PRKCA: variants seen among roughly 807,000 people sequenced by gnomAD.
PRKCA encodes the protein protein kinase C alpha.
Under a neutral mutation model 87.0 loss-of-function variants are expected in PRKCA, and 27 were observed. The ratio of observed to expected loss-of-function variants is 0.31; its 90% confidence interval spans 0.23 to 0.43. The LOEUF (loss-of-function observed/expected upper bound fraction) is 0.43, where lower values mean the gene tolerates loss of function less well. Among genes scored for constraint, PRKCA ranks in the 20% least tolerant of loss-of-function variants. The probability of loss-of-function intolerance (pLI) is 1.00; values close to 1 mark genes in which losing one functional copy is unlikely to be tolerated. For synonymous variants in PRKCA, 329 were observed against 311.1 expected (o/e 1.06, Z -0.61); for missense variants, 518 against 852.3 (o/e 0.61, Z 4.88).
At chr17:66,568,746 A>G (rs981830845) in intron 3 of PRKCA, among the ~76,000 whole-genome samples, 5 of 152,334 alleles carry the variant, frequency 3.3e-5, no homozygotes, top group African/African-American at 1.2e-4. Context: ...CTTACCAGTC[A>G]GGAAAAAGGA....
chr17:66,528,912 A>G (rs1364824548), intron 3 of PRKCA, among the ~76,000 whole-genome samples: 1 of 152,202 alleles, frequency 6.6e-6, no homozygotes, highest in Non-Finnish European at 1.5e-5. Flanking sequence ...AGAGGAGGGA[A>G]AAATGGTAGA....
intron 2 of PRKCA, among the ~76,000 whole-genome samples, chr17:66,358,661 C>A (rs183848959): frequency 2.0e-5 from 3 of 152,108 alleles, no homozygotes; most frequent in African/African-American, 4.8e-5. Context: ...ACAAAACATG[C>A]GTCAGTACCT....
At chr17:66,773,786 G>T (rs577096746) in intron 13 of PRKCA, among the ~76,000 whole-genome samples, 5 of 152,168 alleles carry the variant, frequency 3.3e-5, no homozygotes, top group Middle Eastern at 3.4e-3. Flanking sequence ...CAAACCAGCC[G>T]TGGGCAGTGA....
At chr17:66,732,427 C>T (rs1187255099) in intron 8 of PRKCA, among the ~76,000 whole-genome samples, 1 of 152,176 alleles carries the variant, frequency 6.6e-6, no homozygotes, top group Non-Finnish European at 1.5e-5. Flanking sequence ...TTCACGGATC[C>T]CCACGCATCA....
At chr17:66,354,252 TAAGA>T (rs1330448124) in intron 2 of PRKCA, among the ~76,000 whole-genome samples, 1 of 152,132 alleles carries the variant, frequency 6.6e-6, no homozygotes, top group Non-Finnish European at 1.5e-5. Context: ...GACTCAAACT[TAAGA>T]AAGAATTATT....
At chr17:66,380,612 A>T (rs1444720947) in intron 2 of PRKCA, among the ~76,000 whole-genome samples, 1 of 152,236 alleles carries the variant, frequency 6.6e-6, no homozygotes, top group East Asian at 1.9e-4. Context: ...GTATAAATAT[A>T]TGCTAATTAT....
Position 66,522,741 on chromosome 17 carries a change from G to A in PRKCA, c.288+26458G>A, listed in dbSNP as rs578048929. 4.0e-5 allele frequency among the ~76,000 whole-genome samples: 6 copies of A among 151,636 alleles called. No homozygotes were observed. In the South Asian group the frequency reaches 1.3e-3, roughly 32 times the overall value. On this transcript the variant is annotated intron_variant, in intron 3 of 16. Transcript: ENST00000413366. ...CCATAGTGTCTGTTCTGAAGTTTGG[G>A]AAAATAGTGTGAGACTGTCTAGCTG...
chr17:66,581,113 A>C (rs1356578513), intron 3 of PRKCA, among the ~76,000 whole-genome samples: 1 of 152,244 alleles, frequency 6.6e-6, no homozygotes, highest in Admixed American at 6.5e-5. Flanking sequence ...AAATTGTTTT[A>C]TGAGTGCATT....
At chr17:66,521,374 C>A (rs1367287979) in intron 3 of PRKCA, among the ~76,000 whole-genome samples, 1 of 152,186 alleles carries the variant, frequency 6.6e-6, no homozygotes, top group Non-Finnish European at 1.5e-5. Flanking sequence ...ATGATTTCAG[C>A]ATCCAGAGGC....
At chr17:66,773,314 G>A (rs1475922316) in intron 13 of PRKCA, among the ~76,000 whole-genome samples, 2 of 152,002 alleles carry the variant, frequency 1.3e-5, no homozygotes, top group African/African-American at 4.8e-5. Context: ...TTTAAAAAGT[G>A]TTTTAAAACT....
chr17:66,303,510 G>GC (rs1555579674), intron 1 of PRKCA, among the ~76,000 whole-genome samples: 1 of 151,722 alleles, frequency 6.6e-6, no homozygotes, highest in Admixed American at 6.6e-5. Context: ...GGGTGGGGGG[G>GC]TTGTGTTTGT....
At chr17:66,364,807 A>G (rs898290390) in intron 2 of PRKCA, among the ~76,000 whole-genome samples, 27 of 152,168 alleles carry the variant, frequency 1.8e-4, no homozygotes, top group South Asian at 6.2e-4. Flanking sequence ...CCACTTTTCT[A>G]TCCCATCATG....
At chr17:66,505,887 A>G (rs1403008175) in intron 3 of PRKCA, among the ~76,000 whole-genome samples, 1 of 151,908 alleles carries the variant, frequency 6.6e-6, no homozygotes, top group Non-Finnish European at 1.5e-5. Flanking sequence ...TAGAGGTGAG[A>G]CTTGCTATGT....
intron 2 of PRKCA, among the ~76,000 whole-genome samples, chr17:66,426,505 A>G (rs578219579): frequency 3.3e-5 from 5 of 152,274 alleles, no homozygotes; most frequent in African/African-American, 1.2e-4. Context: ...TGAAACGTTA[A>G]AAGATTTGGG....
intron 5 of PRKCA, among the ~76,000 whole-genome samples, chr17:66,651,370 G>A (rs2067713): frequency 0.051 from 7,803 of 152,136 alleles, 679 homozygotes; most frequent in African/African-American, 0.18. Context: ...AGGTAGCTAC[G>A]TTTTCAACAA....
At chr17:66,657,186 C>T (rs76514903) in intron 5 of PRKCA, among the ~76,000 whole-genome samples, 14,968 of 152,248 alleles carry the variant, frequency 0.098, 793 homozygotes, top group Middle Eastern at 0.18. Flanking sequence ...AGAGCATCCC[C>T]ATGAGGGACT....
chr17:66,459,707 G>GTTAAC (rs1347366067), intron 2 of PRKCA, among the ~76,000 whole-genome samples: 2 of 152,138 alleles, frequency 1.3e-5, no homozygotes, highest in African/African-American at 4.8e-5. Context: ...TCGTTACTGT[G>GTTAAC]TTTATAGACC....
intron 3 of PRKCA, among the ~76,000 whole-genome samples, chr17:66,584,200 G>A (rs1969527248): frequency 6.6e-6 from 1 of 151,886 alleles, no homozygotes; most frequent in Admixed American, 6.6e-5. Context: ...TTATTGTTTT[G>A]GTTTTTGTTT....
chr17:66,375,592 A>G (rs563756602), intron 2 of PRKCA, among the ~76,000 whole-genome samples: 1 of 152,248 alleles, frequency 6.6e-6, no homozygotes, highest in Non-Finnish European at 1.5e-5. Flanking sequence ...TGTAAGCCCC[A>G]GGTTTCTTTC....
Sources: allele counts gnomAD v4.1 joint callset (sites outside exome capture counted in the v4.1 genomes callset), GRCh38; gene constraint gnomAD v4.1.1; transcripts MANE v1.5; gene names NCBI Gene and HGNC (gene_info 2026-07-23, HGNC 2026-07-21).